The following VPS13B variants were observed in gnomAD, a reference collection of about 807,000 sequenced individuals.
The protein encoded by VPS13B is intermembrane lipid transfer protein VPS13B.
In VPS13B, 285 loss-of-function variants were observed where a neutral mutation model predicts 426.4. The ratio of observed to expected loss-of-function variants is 0.67; its 90% CI spans 0.61 to 0.74. VPS13B has a LOEUF of 0.74. Ranked by LOEUF, VPS13B falls within the 30% of genes least tolerant of loss-of-function variation. The pLI is 0.00. For missense variants in VPS13B, 4,537 were observed against 4,782.6 expected, an observed-to-expected ratio of 0.95 and a Z score of 1.51; for synonymous variants, 1,676 against 1,676.4, an observed-to-expected ratio of 1.00 and a Z score of 0.01.
chr8:99,443,696 A>G (rs187651433), intron 23 of VPS13B, among the ~76,000 whole-genome samples: 44 of 152,210 alleles, frequency 2.9e-4, no homozygotes, highest in Admixed American at 1.8e-3. Context: ...GGATATATCA[A>G]ATTTTTTTGA....
intron 19 of VPS13B, among the ~76,000 whole-genome samples, chr8:99,351,359 A>G (rs1811866490): frequency 6.6e-6 from 1 of 150,716 alleles, no homozygotes. Flanking sequence ...CTTAAAGTTA[A>G]CTCCAACTGT....
rs188695070 is a variant in VPS13B at position 99,781,471 on chromosome 8, C to T, written c.7779+2440C>T. 2.6e-5 allele frequency among the ~76,000 whole-genome samples: 4 copies of T among 152,290 alleles called. No individual in the cohort carries two copies. The East Asian group carries it at 7.7e-4, about 29-fold the overall frequency. On this transcript the variant is annotated intron_variant, in intron 42 of 61. Coordinates refer to ENST00000357162, the MANE Select transcript of VPS13B (RefSeq NM_152564.5). ...TCCAAGTGAGCATTCTGAGGCTCAA[C>T]ATCTATGATGTGACGTCAAATACAT...
At chr8:99,157,556 T>C (rs1305218842) in intron 15 of VPS13B, among the ~76,000 whole-genome samples, 1 of 152,172 alleles carries the variant, frequency 6.6e-6, no homozygotes, top group Non-Finnish European at 1.5e-5. Flanking sequence ...CACTGACCAG[T>C]TCCCCCTTCT....
intron 6 of VPS13B, among the ~76,000 whole-genome samples, chr8:99,114,912 C>T (rs1563548392): frequency 6.6e-6 from 1 of 152,142 alleles, no homozygotes; most frequent in Non-Finnish European, 1.5e-5. Flanking sequence ...GAAACCATTA[C>T]ACTGAAGTTG....
At chr8:99,028,417 C>G (rs1468067832) in intron 2 of VPS13B, among the ~76,000 whole-genome samples, 5 of 141,774 alleles carry the variant, frequency 3.5e-5, no homozygotes, top group African/African-American at 1.3e-4. Flanking sequence ...CCCTCCCGGA[C>G]GGGGCGGCTG....
At chr8:99,264,228 T>C (rs995942853) in intron 17 of VPS13B, among the ~76,000 whole-genome samples, 1 of 152,036 alleles carries the variant, frequency 6.6e-6, no homozygotes, top group African/African-American at 2.4e-5. Context: ...TTTTAATGCT[T>C]TTTCCTCCTG....
At chr8:99,616,813 A>G (rs751437227) in intron 33 of VPS13B, among the ~76,000 whole-genome samples, 1 of 152,244 alleles carries the variant, frequency 6.6e-6, no homozygotes, top group Non-Finnish European at 1.5e-5. Context: ...TAAATACACC[A>G]GATATAAATC....
chr8:99,862,000 G>C lies in VPS13B; in HGVS notation c.11215+54G>C, dbSNP rs900706400. On this transcript the variant is annotated intron_variant, in intron 58 of 61. Transcript: ENST00000357162. ...CTGTACTCCAGCAGGCTGAGATGCA[G>C]GGTCTCCCAGGACTGGGCAACTTCG... is the stretch of plus-strand genomic sequence containing the variant. 32 of 1,527,988 alleles carry C rather than the reference G, an allele frequency of 2.1e-5. No individual in the cohort carries two copies. The African/African-American group carries it at 3.3e-4, about 16-fold the overall frequency. 94.7% of individuals were successfully genotyped at this position (1,527,988 alleles called of 1,614,324 possible).
rs2130499539 is a variant in VPS13B at position 99,744,546 on chromosome 8, A to AGT, written c.7051-22228_7051-22227insGT. Among the ~76,000 whole-genome samples, 2 of 152,312 alleles carry AGT rather than the reference A, an allele frequency of 1.3e-5. 1 individual carries two copies. The highest frequency in any genetic ancestry group is 4.1e-4 in the South Asian group (2 of 4,830). ...GTATATTTATTGCGGCACTATTCAC[A>AGT]ATAGCAAAGACTTGGAACCAACCCA... On this transcript the variant is annotated intron_variant, in intron 39 of 61. Transcript: ENST00000357162.
At chr8:99,615,058 G>A (rs535743123) in intron 33 of VPS13B, among the ~76,000 whole-genome samples, 3 of 150,560 alleles carry the variant, frequency 2.0e-5, no homozygotes, top group African/African-American at 4.9e-5. Flanking sequence ...CGGAGGCTGC[G>A]GTGAGCCGAG....
chr8:99,579,211 G>C (rs896991529), intron 33 of VPS13B, among the ~76,000 whole-genome samples: 2 of 152,068 alleles, frequency 1.3e-5, no homozygotes, highest in African/African-American at 4.8e-5. Flanking sequence ...CCGTATTTTA[G>C]AAAAGACCTA....
chr8:99,791,412 G>C (rs1337537267), intron 43 of VPS13B, among the ~76,000 whole-genome samples: 3 of 152,158 alleles, frequency 2.0e-5, no homozygotes, highest in African/African-American at 7.2e-5. Context: ...GTGTTCTCAA[G>C]AGCCTGGGAA....
At chr8:99,593,717 G>C (rs1018522959) in intron 33 of VPS13B, among the ~76,000 whole-genome samples, 1 of 151,922 alleles carries the variant, frequency 6.6e-6, no homozygotes, top group African/African-American at 2.4e-5. Context: ...CCATGGAATA[G>C]TGTGCAGCCA....
chr8:99,118,900 G>A (rs540584622), intron 7 of VPS13B, among the ~76,000 whole-genome samples: 3 of 152,144 alleles, frequency 2.0e-5, no homozygotes, highest in African/African-American at 7.2e-5. Flanking sequence ...TCTTTCTCTT[G>A]GGTAAATACT....
chr8:99,478,831 TA>T (rs57445772), intron 24 of VPS13B, among the ~76,000 whole-genome samples: 14,943 of 136,370 alleles, frequency 0.11, 780 homozygotes, highest in East Asian at 0.16. Context: ...TGTTTTTGTG[TA>T]AAAAAAAAAA....
intron 33 of VPS13B, among the ~76,000 whole-genome samples, chr8:99,600,346 T>A (rs112743686): frequency 1.3e-3 from 204 of 152,284 alleles, no homozygotes; most frequent in African/African-American, 4.6e-3. Flanking sequence ...CTCTCTCACA[T>A]ACACACCCCA....
In VPS13B at chr8:99,442,434, A is replaced by T; in HGVS notation, c.3244A>T (p.Asn1082Tyr). 6.2e-7 allele frequency: 1 copy of T among 1,613,886 alleles called. No homozygotes were observed. The change falls in exon 23 of 62, where the codon AAT becomes TAT. Residue 1082 changes from asparagine to tyrosine, a missense_variant. This residue lies in a region of VPS13B where 4,311 missense variants were observed against 4,474.3 expected (regional missense o/e 0.96). Coordinates refer to ENST00000357162, the MANE Select transcript of VPS13B (RefSeq NM_152564.5). ...EVQSCCVFIP[N>Y]DSLPSPSTIV... ...ACAATCTTGTTGTGTGTTTATTCCA[A>T]ATGATAGCCTGCCTTCCCCAAGTAC...
At chr8:99,707,400 A>G (rs1832536412) in intron 36 of VPS13B, among the ~76,000 whole-genome samples, 1 of 152,178 alleles carries the variant, frequency 6.6e-6, no homozygotes. Context: ...TGGTCTTTGT[A>G]TATATTCCTT....
chr8:99,738,804 A>G (rs748615210), intron 39 of VPS13B, among the ~76,000 whole-genome samples: 4 of 152,220 alleles, frequency 2.6e-5, no homozygotes, highest in African/African-American at 4.8e-5. Context: ...TGCTAGTGCT[A>G]TCATCTAGTG....
Sources: gnomAD v4.1 joint callset for allele counts (sites outside exome capture counted in the v4.1 genomes callset) on GRCh38, gnomAD v4.1.1 for gene constraint, gnomAD v4.1.1 regional missense constraint, MANE v1.5 for transcripts, NCBI Gene and HGNC (gene_info 2026-07-23, HGNC 2026-07-21) for gene names.